ZNF609: variants seen among roughly 807,000 people sequenced by gnomAD.
ZNF609 encodes zinc finger protein 609.
Under a neutral mutation model 109.5 loss-of-function variants are expected in ZNF609, and 11 were observed. The observed-to-expected ratio is 0.10, with a 90% CI of 0.06 to 0.17. The LOEUF (loss-of-function observed/expected upper bound fraction) is 0.17. Among genes scored for constraint, ZNF609 ranks in the 10% least tolerant of loss-of-function variants. The probability of loss-of-function intolerance (pLI) is 1.00; values close to 1 mark genes in which losing one functional copy is unlikely to be tolerated. For synonymous variants in ZNF609, 646 were observed against 662.0 expected, an observed-to-expected ratio of 0.98 and a Z score of 0.37; for missense variants, 1,559 against 1,772.4, an observed-to-expected ratio of 0.88 and a Z score of 2.16.
chr15:64,593,063 T>C (rs917016180), intron 2 of ZNF609: 46 of 1,588,826 alleles, frequency 2.9e-5, no homozygotes, highest in Non-Finnish European at 3.6e-5. Context: ...CTGTGCCCGA[T>C]GCGTGCCCAA....
chr15:64,577,105 C>T (rs1484866594), intron 2 of ZNF609, among the ~76,000 whole-genome samples: 4 of 120,356 alleles, frequency 3.3e-5, no homozygotes, highest in Admixed American at 9.8e-5. Context: ...TATATACACA[C>T]AAATATATAC....
rs1367989495 is a variant in ZNF609, at chr15:64,675,351, G to A, written c.2497G>A (p.Ala833Thr). Residue 833 changes from alanine to threonine, a missense_variant, in exon 5 of 10, where the codon GCT becomes ACT. Physicochemically the swap from Ala to Thr is moderately conservative, Grantham distance 58. Coordinates refer to ENST00000326648, the MANE Select transcript of ZNF609 (RefSeq NM_015042.2). ...CTTACATGTGGTGACCCAGAATGGA[G>A]CTGAAGCCAGCTCAGTCAAAACCAA... is the stretch of plus-strand genomic sequence containing the variant. ...TPLHVVTQNG[A>T]EASSVKTNSP... is the part of the protein sequence containing the mutation. The A allele has an allele frequency of 6.2e-7, 1 of 1,613,978 alleles. No individual in the cohort carries two copies. Among genetic ancestry groups the A allele is most frequent in the Non-Finnish European group, 8.5e-7 (1 of 1,179,914 alleles).
intron 3 of ZNF609, among the ~76,000 whole-genome samples, chr15:64,630,708 T>G (rs1484770759): frequency 6.6e-6 from 1 of 151,966 alleles, no homozygotes; most frequent in African/African-American, 2.4e-5. Flanking sequence ...CCTCAAATGA[T>G]CTGCCTGCCT....
chr15:64,467,734 A>G (rs1467216501), intron 1 of ZNF609, among the ~76,000 whole-genome samples: 1 of 152,104 alleles, frequency 6.6e-6, no homozygotes, highest in Non-Finnish European at 1.5e-5. Flanking sequence ...AGTCCCAGCT[A>G]CTCGGGAGGC....
At chr15:64,638,017 A>ATATATAT (rs1567036319) in intron 3 of ZNF609, among the ~76,000 whole-genome samples, 3 of 88,232 alleles carry the variant, frequency 3.4e-5, no homozygotes, top group East Asian at 7.2e-4. Context: ...TATATATATA[A>ATATATAT]AATATATATA....
intron 3 of ZNF609, among the ~76,000 whole-genome samples, chr15:64,646,549 G>A (rs750524179): frequency 6.8e-6 from 1 of 147,156 alleles, no homozygotes; most frequent in Non-Finnish European, 1.5e-5. Flanking sequence ...AAGGAGAATC[G>A]CTTGAACCTG....
At chr15:64,465,199 T>G (rs1169186288) in intron 1 of ZNF609, among the ~76,000 whole-genome samples, 1 of 152,200 alleles carries the variant, frequency 6.6e-6, no homozygotes, top group Admixed American at 6.5e-5. Flanking sequence ...GTGAAAAAGA[T>G]TTAGCCTACT....
intron 3 of ZNF609, among the ~76,000 whole-genome samples, chr15:64,645,051 TC>T (rs1896313589): frequency 6.9e-6 from 1 of 145,878 alleles, no homozygotes; most frequent in Non-Finnish European, 1.5e-5. Context: ...CTTTCTTTCT[TC>T]CTTTCTTCCT....
intron 1 of ZNF609, among the ~76,000 whole-genome samples, chr15:64,466,116 CAAAA>C (rs749648623): frequency 3.7e-5 from 3 of 81,894 alleles, no homozygotes; most frequent in South Asian, 4.6e-4. Context: ...AACCCTGTCT[CAAAA>C]AAAAAAAAAA....
At chr15:64,619,091 T>A (rs1895842786) in intron 2 of ZNF609, among the ~76,000 whole-genome samples, 1 of 152,222 alleles carries the variant, frequency 6.6e-6, no homozygotes, top group African/African-American at 2.4e-5. Flanking sequence ...GTGTCACTCC[T>A]ACCTCAGCGT....
At position 64,594,759 on chromosome 15, in the gene ZNF609, G is replaced by T. The variant is rs186381282; in HGVS notation, c.748-28068G>T. Among the ~76,000 whole-genome samples, 161 of 151,348 alleles carry T rather than the reference G, an allele frequency of 1.1e-3. 3 individuals carry two copies. The East Asian group carries it at 0.029, about 27-fold the overall frequency. On this transcript the variant is annotated intron_variant, in intron 2 of 9. Transcript: ENST00000326648. ...GAATGTGTCTCGGCCGGGCGCGGTG[G>T]CTCACGCCTGTAATCCCAGCACTTT...
intron 1 of ZNF609, among the ~76,000 whole-genome samples, chr15:64,487,126 T>G (rs1427623697): frequency 1.3e-5 from 2 of 152,218 alleles, no homozygotes; most frequent in Non-Finnish European, 2.9e-5. Context: ...TTTTTTGATT[T>G]GTTTTTATAT....
At chr15:64,650,177 G>A (rs1896393858) in intron 3 of ZNF609, among the ~76,000 whole-genome samples, 1 of 151,702 alleles carries the variant, frequency 6.6e-6, no homozygotes, top group Non-Finnish European at 1.5e-5. Context: ...GCCGAGGCCG[G>A]TGGATTTCCT....
intron 1 of ZNF609, among the ~76,000 whole-genome samples, chr15:64,491,881 G>A (rs1893418141): frequency 6.6e-6 from 1 of 151,468 alleles, no homozygotes; most frequent in Admixed American, 6.6e-5. Context: ...CTTGAGATTG[G>A]TACCTTGTCC....
At chr15:64,648,575 A>G (rs1044462463) in intron 3 of ZNF609, among the ~76,000 whole-genome samples, 7 of 152,162 alleles carry the variant, frequency 4.6e-5, no homozygotes, top group African/African-American at 1.7e-4. Flanking sequence ...ATTTAGCTAT[A>G]TAACATTGGA....
At chr15:64,602,716 CTTTTTTT>C (rs10600561) in intron 2 of ZNF609, among the ~76,000 whole-genome samples, 8 of 55,596 alleles carry the variant, frequency 1.4e-4, no homozygotes, top group African/African-American at 4.6e-4. Context: ...TTTTTTCTTT[CTTTTTTT>C]TTTTTTTTTT....
intron 1 of ZNF609, among the ~76,000 whole-genome samples, chr15:64,479,385 G>A (rs1015368949): frequency 3.1e-5 from 4 of 129,978 alleles, no homozygotes; most frequent in East Asian, 2.6e-4. Flanking sequence ...TCTGCCTCCC[G>A]GATTCACACC....
intron 3 of ZNF609, among the ~76,000 whole-genome samples, chr15:64,634,497 C>G (rs992086740): frequency 6.6e-6 from 1 of 152,014 alleles, no homozygotes; most frequent in African/African-American, 2.4e-5. Context: ...CTTGGTTTTT[C>G]CTGTGTGATT....
chr15:64,514,526 T>C (rs2140359992), intron 2 of ZNF609, among the ~76,000 whole-genome samples: 1 of 152,320 alleles, frequency 6.6e-6, no homozygotes, highest in East Asian at 1.9e-4. Flanking sequence ...AACATAAATA[T>C]TTCTGAGCCT....
Sources: gnomAD v4.1 joint callset for allele counts (sites outside exome capture counted in the v4.1 genomes callset) on GRCh38, gnomAD v4.1.1 for gene constraint, MANE v1.5 for transcripts, NCBI Gene and HGNC (gene_info 2026-07-23, HGNC 2026-07-21) for gene names.